The following NUP35 variants were observed in gnomAD, a reference collection of about 807,000 sequenced individuals.
NUP35 encodes nucleoporin NUP35.
NUP35 carries 25 observed loss-of-function variants against 41.5 expected under a neutral mutation model. That is an observed-to-expected ratio of 0.60 (90% CI 0.44 to 0.84). The LOEUF (loss-of-function observed/expected upper bound fraction) is 0.84, where lower values mean the gene tolerates loss of function less well. Ranked by LOEUF, NUP35 falls within the 40% of genes least tolerant of loss-of-function variation. The probability of loss-of-function intolerance (pLI) is 0.00; values close to 1 mark genes in which losing one functional copy is unlikely to be tolerated. For missense variants in NUP35, 396 were observed against 396.6 expected, an observed-to-expected ratio of 1.00 and a Z score of 0.01; for synonymous variants, 149 against 130.7, an observed-to-expected ratio of 1.14 and a Z score of -0.96.
intron 4 of NUP35, among the ~76,000 whole-genome samples, chr2:183,144,117 C>G (rs1178558743): frequency 6.6e-6 from 1 of 152,120 alleles, no homozygotes; most frequent in Non-Finnish European, 1.5e-5. Context: ...CAAAAAGAAA[C>G]AAATTAGAGC....
chr2:183,152,110 AACACACACACACACAC>A (rs67798004), intron 5 of NUP35, among the ~76,000 whole-genome samples: 7,884 of 113,434 alleles, frequency 0.07, 270 homozygotes, highest in Middle Eastern at 0.12. Context: ...AACATTTACA[AACACACACACACACAC>A]ACACACACAC....
intron 2 of NUP35, among the ~76,000 whole-genome samples, chr2:183,129,983 A>T (rs530523478): frequency 6.6e-6 from 1 of 152,336 alleles, no homozygotes; most frequent in South Asian, 2.1e-4. Context: ...CAAACTCTAC[A>T]TAGGGAATTG....
intron 1 of NUP35, among the ~76,000 whole-genome samples, chr2:183,119,153 T>G (rs1700032108): frequency 6.6e-6 from 1 of 152,170 alleles, no homozygotes; most frequent in African/African-American, 2.4e-5. Context: ...ACTGGGAAAC[T>G]GCCTTTTCCT....
intron 1 of NUP35, among the ~76,000 whole-genome samples, chr2:183,126,686 G>T (rs1210666932): frequency 6.6e-6 from 1 of 150,758 alleles, no homozygotes; most frequent in African/African-American, 2.4e-5. Context: ...TAATATCTAG[G>T]CCTAATATAA....
At chr2:183,154,220 A>G (rs903372591) in intron 5 of NUP35, among the ~76,000 whole-genome samples, 8 of 152,306 alleles carry the variant, frequency 5.3e-5, no homozygotes, top group Middle Eastern at 3.4e-3. Context: ...AAGGGCTCTG[A>G]CATGCCCTAG....
upstream of NUP35, among the ~76,000 whole-genome samples, chr2:183,123,559 T>C (rs1700098486): frequency 6.6e-6 from 1 of 152,186 alleles, no homozygotes; most frequent in Non-Finnish European, 1.5e-5. Flanking sequence ...CTAGAAGAAA[T>C]AGCTGAGCAT....
Position 183,151,659 on chromosome 2 carries a change from G to C in NUP35, c.539+10G>C. 1 of 1,606,538 alleles carries C rather than the reference G, an allele frequency of 6.2e-7. No homozygotes were observed. The highest frequency in any genetic ancestry group is 8.5e-7 in the Non-Finnish European group (1 of 1,177,618). Reference sequence around the variant, plus strand: ...GGGTGACTGTATTTGGGTAAGGTTTGCAGACCATTTGCCTTTTAAAAACCC... The same window carrying C: ...GGGTGACTGTATTTGGGTAAGGTTTCCAGACCATTTGCCTTTTAAAAACCC... On this transcript the variant is annotated intron_variant, in intron 5 of 8. Coordinates refer to ENST00000295119, the MANE Select transcript of NUP35 (RefSeq NM_138285.5).
intron 5 of NUP35, among the ~76,000 whole-genome samples, chr2:183,155,570 A>G (rs1575136574): frequency 7.6e-6 from 1 of 131,852 alleles, no homozygotes; most frequent in South Asian, 2.5e-4. Context: ...ATAGTCTCTC[A>G]TAAAATGGCT....
chr2:183,118,699 A>G (rs949570139), intron 1 of NUP35: 2 of 152,238 alleles, frequency 1.3e-5, no homozygotes, highest in Admixed American at 6.5e-5. Flanking sequence ...ACTAAGGGGC[A>G]TAAGGCAGAA....
upstream of NUP35, chr2:183,124,353 T>C (rs1002096939): frequency 2.6e-5 from 42 of 1,598,164 alleles, no homozygotes; most frequent in Admixed American, 6.9e-4. Context: ...GGTCCGGAAG[T>C]TACGCAACCC....
intron 1 of NUP35, among the ~76,000 whole-genome samples, 200 bp from the exon 2 acceptor site, chr2:183,128,087 G>GA (rs897823685): frequency 1.1e-4 from 17 of 149,152 alleles, no homozygotes; most frequent in African/African-American, 3.9e-4. Context: ...AAAAAAAAAA[G>GA]TGAATACAAG....
At position 183,146,816 on chromosome 2, in the gene NUP35, C is replaced by T. The variant is rs114272909; in HGVS notation, c.398-4692C>T. Among the ~76,000 whole-genome samples, 364 of 152,172 alleles carry T rather than the reference C, an allele frequency of 2.4e-3. 3 individuals are homozygous for T. The highest frequency in any genetic ancestry group is 8.3e-3 in the African/African-American group (346 of 41,522). ...TTCGCCATGTTGTCCAGGCTTGTCT[C>T]GAACTCGTGACCTCAGGTGATCCAA... is the stretch of plus-strand genomic sequence containing the variant. On this transcript the variant is annotated intron_variant, in intron 4 of 8. Coordinates refer to ENST00000295119, the MANE Select transcript of NUP35 (RefSeq NM_138285.5).
chr2:183,143,178 A>T (rs11899136), intron 4 of NUP35, among the ~76,000 whole-genome samples: 9,396 of 149,576 alleles, frequency 0.063, 1,056 homozygotes, highest in African/African-American at 0.22. Context: ...AAAGAAAAGA[A>T]ATACAGCATT....
intron 4 of NUP35, among the ~76,000 whole-genome samples, chr2:183,138,269 A>ATATATTTTTTTTTTTT: frequency 6.2e-5 from 5 of 80,698 alleles, no homozygotes; most frequent in African/African-American, 1.9e-4. Context: ...ATATATATAT[A>ATATATTTTTTTTTTTT]TTTTTTTTTT....
chr2:183,145,193 A>G (rs997063053), intron 4 of NUP35, among the ~76,000 whole-genome samples: 1 of 152,212 alleles, frequency 6.6e-6, no homozygotes. Flanking sequence ...TTAGTTGATA[A>G]GTAGATTCTT....
At chr2:183,130,745 A>AT (rs913056262) in intron 3 of NUP35, among the ~76,000 whole-genome samples, 200 bp downstream of exon 3, 1 of 150,666 alleles carries the variant, frequency 6.6e-6, no homozygotes, top group Non-Finnish European at 1.5e-5. Context: ...AGAACTCTAG[A>AT]TTTTCTCTCA....
At position 183,146,033 on chromosome 2, in the gene NUP35, C is replaced by T. The variant is rs189329172; in HGVS notation, c.398-5475C>T. 2.7e-3 allele frequency among the ~76,000 whole-genome samples: 415 copies of T among 152,246 alleles called. 2 individuals are homozygous for T. Among genetic ancestry groups the T allele is most frequent in the Non-Finnish European group, 4.2e-3 (286 of 68,010 alleles). ...GGTGGATCACCTGAGGTCAGGAGTT[C>T]GAGACCAGCCTGGCCAACCTGGTGA... On this transcript the variant is annotated intron_variant, in intron 4 of 8. Transcript: ENST00000295119.
upstream of NUP35, among the ~76,000 whole-genome samples, chr2:183,121,263 C>A (rs1700063183): frequency 6.6e-6 from 1 of 151,874 alleles, no homozygotes; most frequent in Admixed American, 6.5e-5. Flanking sequence ...ACACAGGAGC[C>A]AATCTGCAAT....
intron 4 of NUP35, among the ~76,000 whole-genome samples, chr2:183,137,302 A>AT (rs1408813104): frequency 6.6e-6 from 1 of 152,108 alleles, no homozygotes; most frequent in Non-Finnish European, 1.5e-5. Flanking sequence ...TTATTCAGTT[A>AT]TTTGAGTCAT....
Sources: allele counts gnomAD v4.1 joint callset (sites outside exome capture counted in the v4.1 genomes callset), GRCh38; gene constraint gnomAD v4.1.1; transcripts MANE v1.5; gene names NCBI Gene and HGNC (gene_info 2026-07-23, HGNC 2026-07-21).